Variants in SUCLG2 observed in about 807,000 individuals in gnomAD.
SUCLG2 encodes succinate-CoA ligase GDP-forming subunit beta.
Under a neutral mutation model 47.9 loss-of-function variants are expected in SUCLG2, and 42 were observed. That is an observed-to-expected ratio of 0.88 (90% confidence interval 0.69 to 1.14). SUCLG2 has a LOEUF of 1.14. SUCLG2 is among the 50% of genes most tolerant of loss of function. SUCLG2 has a pLI of 0.00. For synonymous variants in SUCLG2, 195 were observed against 197.3 expected, an observed-to-expected ratio of 0.99 and a Z score of 0.10; for missense variants, 571 against 525.9, an observed-to-expected ratio of 1.09 and a Z score of -0.84.
chr3:67,374,426 A>C (rs1341043750), downstream of SUCLG2, among the ~76,000 whole-genome samples: 1 of 152,198 alleles, frequency 6.6e-6, no homozygotes, highest in Non-Finnish European at 1.5e-5. Context: ...TAATGGAATG[A>C]GTTATACTGG....
intron 1 of SUCLG2, among the ~76,000 whole-genome samples, chr3:67,646,286 A>C (rs1316514933): frequency 1.3e-5 from 2 of 152,114 alleles, no homozygotes; most frequent in African/African-American, 2.4e-5. Flanking sequence ...CCTTACTTAA[A>C]ACCAGACAAT....
At chr3:67,393,681 G>C (rs763183967) in intron 10 of SUCLG2, among the ~76,000 whole-genome samples, 1 of 152,184 alleles carries the variant, frequency 6.6e-6, no homozygotes, top group Non-Finnish European at 1.5e-5. Flanking sequence ...GGTTCTCCTG[G>C]CACGCAGCTG....
Position 67,560,619 on chromosome 3 carries a change from G to C in SUCLG2, c.227-31433C>G, listed in dbSNP as rs1054214260. 3.3e-5 allele frequency among the ~76,000 whole-genome samples: 5 copies of C among 152,270 alleles called. No homozygotes were observed. The South Asian group carries it at 1.0e-3, about 32-fold the overall frequency. On this transcript the variant is annotated intron_variant, in intron 2 of 10. Coordinates refer to ENST00000307227, the MANE Select transcript of SUCLG2 (RefSeq NM_003848.4). ...AAAGCCGGTGAGGTACAATGTACAA[G>C]TCTTGGTGTCTAGGTAAGTGTAGGA...
intron 2 of SUCLG2, among the ~76,000 whole-genome samples, chr3:67,577,444 T>G (rs2634729): frequency 0.49 from 73,722 of 151,996 alleles, 18,112 homozygotes; most frequent in East Asian, 0.69. Flanking sequence ...AATCATGAGC[T>G]AGAGAGAAAA....
intron 2 of SUCLG2, among the ~76,000 whole-genome samples, chr3:67,542,353 C>T (rs1014306564): frequency 2.0e-5 from 3 of 152,248 alleles, no homozygotes; most frequent in East Asian, 3.9e-4. Context: ...AAAGCAAAAA[C>T]CCGGAACAGC....
At chr3:67,427,159 T>G (rs1386574914) in intron 9 of SUCLG2, among the ~76,000 whole-genome samples, 3 of 152,204 alleles carry the variant, frequency 2.0e-5, no homozygotes, top group Non-Finnish European at 4.4e-5. Flanking sequence ...GCCAAAGGTA[T>G]GTATTTTATG....
At chr3:67,489,652 A>G (rs946399218) in intron 9 of SUCLG2, among the ~76,000 whole-genome samples, 2 of 152,230 alleles carry the variant, frequency 1.3e-5, no homozygotes, top group African/African-American at 4.8e-5. Flanking sequence ...AATTCCTACA[A>G]GAGTTCTACT....
chr3:67,390,251 G>A (rs144329469), intron 10 of SUCLG2, among the ~76,000 whole-genome samples: 416 of 152,262 alleles, frequency 2.7e-3, no homozygotes, highest in African/African-American at 9.4e-3. Flanking sequence ...AAGATCCAGG[G>A]TCCTTGCCAT....
At chr3:67,422,472 T>TAAAAAAAAAAA (rs1559520249) in intron 9 of SUCLG2, among the ~76,000 whole-genome samples, 5 of 12,342 alleles carry the variant, frequency 4.1e-4, no homozygotes, top group African/African-American at 1.5e-3. Flanking sequence ...AGACTCCATC[T>TAAAAAAAAAAA]CAAAAAAAAA....
intron 1 of SUCLG2, among the ~76,000 whole-genome samples, chr3:67,626,862 C>T (rs995389963): frequency 7.5e-6 from 1 of 133,144 alleles, no homozygotes; most frequent in Non-Finnish European, 1.5e-5. Flanking sequence ...TGCAGTGAGC[C>T]GAGATCGCAC....
chr3:67,605,155 T>C (rs1443451973), intron 2 of SUCLG2, among the ~76,000 whole-genome samples: 3 of 152,206 alleles, frequency 2.0e-5, no homozygotes, highest in African/African-American at 4.8e-5. Flanking sequence ...GATGGTATCA[T>C]AATTACAAGG....
chr3:67,629,470 T>C (rs1700889879), intron 1 of SUCLG2, among the ~76,000 whole-genome samples: 2 of 151,488 alleles, frequency 1.3e-5, no homozygotes, highest in South Asian at 2.1e-4. Context: ...AATGGCCAAA[T>C]GGAAGAGATG....
At chr3:67,553,921 AATT>A (rs1316921969) in intron 2 of SUCLG2, among the ~76,000 whole-genome samples, 1 of 152,206 alleles carries the variant, frequency 6.6e-6, no homozygotes, top group African/African-American at 2.4e-5. Flanking sequence ...GATTACTAAT[AATT>A]GATAAGCATT....
At chr3:67,422,934 G>C (rs891786072) in intron 9 of SUCLG2, among the ~76,000 whole-genome samples, 2 of 152,194 alleles carry the variant, frequency 1.3e-5, no homozygotes, top group African/African-American at 4.8e-5. Context: ...CCTGAGAATG[G>C]AAGGTAGAAT....
intron 2 of SUCLG2, among the ~76,000 whole-genome samples, chr3:67,565,265 T>A (rs558640360): frequency 6.6e-6 from 1 of 152,340 alleles, no homozygotes; most frequent in East Asian, 1.9e-4. Context: ...TTTAGTCACA[T>A]ATACTCTATA....
At chr3:67,559,102 C>T (rs552726743) in intron 2 of SUCLG2, among the ~76,000 whole-genome samples, 6 of 152,240 alleles carry the variant, frequency 3.9e-5, no homozygotes, top group South Asian at 4.1e-4. Context: ...ACCTTAACTA[C>T]GTTGCTGAAA....
chr3:67,626,020 T>A (rs56248023), intron 1 of SUCLG2, among the ~76,000 whole-genome samples: 7,573 of 138,134 alleles, frequency 0.055, 247 homozygotes, highest in African/African-American at 0.093. Context: ...ATATATATAT[T>A]TACATTTTTT....
At chr3:67,411,008 T>C (rs1575677928) in intron 9 of SUCLG2, among the ~76,000 whole-genome samples, 1 of 152,284 alleles carries the variant, frequency 6.6e-6, no homozygotes, top group South Asian at 2.1e-4. Flanking sequence ...TGCATGTAAA[T>C]ACGTATACTC....
intron 2 of SUCLG2, among the ~76,000 whole-genome samples, chr3:67,536,010 C>T (rs1165671316): frequency 2.0e-5 from 3 of 152,164 alleles, no homozygotes; most frequent in African/African-American, 4.8e-5. Flanking sequence ...AGCTCTGAAA[C>T]GTTTCTGAGT....
Sources: gnomAD v4.1 joint callset for allele counts (sites outside exome capture counted in the v4.1 genomes callset) on GRCh38, gnomAD v4.1.1 for gene constraint, MANE v1.5 for transcripts, NCBI Gene and HGNC (gene_info 2026-07-23, HGNC 2026-07-21) for gene names.